The following CHD9 variants were observed in gnomAD, a reference collection of about 807,000 sequenced individuals.
The protein encoded by CHD9 is chromodomain helicase DNA binding protein 9, also known as ATP-dependent chromatin remodeler CHD9.
CHD9 carries 77 observed loss-of-function variants against 316.1 expected under a neutral mutation model. That is an observed-to-expected ratio of 0.24 (90% CI 0.20 to 0.29). The LOEUF is 0.29. Ranked by LOEUF, CHD9 falls within the 10% of genes least tolerant of loss-of-function variation. The pLI, the probability that CHD9 is intolerant of heterozygous loss-of-function variation, is 1.00. For synonymous variants in CHD9, 1,129 were observed against 1,158.3 expected, an observed-to-expected ratio of 0.97 and a Z score of 0.51; for missense variants, 2,763 against 3,438.1, an observed-to-expected ratio of 0.80 and a Z score of 4.91.
rs573135109 is a variant in CHD9, at chr16:53,081,347, T to G, written c.-165+26270T>G. Among the ~76,000 whole-genome samples the G allele has an allele frequency of 2.3e-3, 349 of 152,310 alleles. 3 individuals carry two copies. The highest frequency in any genetic ancestry group is 8.1e-3 in the African/African-American group (336 of 41,566). ...TGCATAACAACTATGCAGTTTTCTC[T>G]TTGATGGTATGTTTTGGGAGGTGGT... On this transcript the variant is annotated intron_variant, in intron 1 of 38. Coordinates refer to ENST00000447540, the MANE Select transcript of CHD9 (RefSeq NM_001308319.2).
intron 15 of CHD9, among the ~76,000 whole-genome samples, chr16:53,246,185 A>G (rs1265063941): frequency 1.3e-5 from 2 of 152,188 alleles, no homozygotes; most frequent in African/African-American, 4.8e-5. Context: ...GTCAAGATAC[A>G]TCAGTTAGTG....
chr16:53,099,790 G>T (rs2036687097), intron 1 of CHD9, among the ~76,000 whole-genome samples: 1 of 152,206 alleles, frequency 6.6e-6, no homozygotes, highest in South Asian at 2.1e-4. Flanking sequence ...GACTCTAAGA[G>T]TCCCGGGAGA....
intron 2 of CHD9, among the ~76,000 whole-genome samples, chr16:53,161,262 A>T (rs1248493818): frequency 6.6e-6 from 1 of 152,226 alleles, no homozygotes; most frequent in Non-Finnish European, 1.5e-5. Flanking sequence ...GTACTGAATT[A>T]TAGGTCACAC....
At chr16:53,108,638 A>G (rs62047973) in intron 1 of CHD9, among the ~76,000 whole-genome samples, 42,639 of 151,804 alleles carry the variant, frequency 0.28, 7,171 homozygotes, top group Non-Finnish European at 0.38. Context: ...TCTTTGGGAG[A>G]CCAAGGCGGG....
In CHD9 at chr16:53,199,793, G is replaced by T. The variant is rs75224187; in HGVS notation, c.1453-9689G>T. 1.4e-4 allele frequency among the ~76,000 whole-genome samples: 22 copies of T among 152,266 alleles called. No individual in the cohort carries two copies. The East Asian group carries it at 3.1e-3, about 21-fold the overall frequency. ...TTAAACTATTCTTACCATAAAACTG[G>T]AATATCTTACAGTACCAGAAAATAA... On this transcript the variant is annotated intron_variant, in intron 2 of 38. Coordinates refer to ENST00000447540, the MANE Select transcript of CHD9 (RefSeq NM_001308319.2).
chr16:53,131,830 C>T (rs905703452), intron 1 of CHD9, among the ~76,000 whole-genome samples: 2 of 152,180 alleles, frequency 1.3e-5, no homozygotes, highest in Non-Finnish European at 2.9e-5. Flanking sequence ...CTCTCGGTTC[C>T]GACCGCAGTG....
intron 17 of CHD9, 96 bp from the exon 18 acceptor site, chr16:53,254,342 T>C: frequency 4.8e-6 from 4 of 838,802 alleles, no homozygotes; most frequent in Non-Finnish European, 6.9e-6. Context: ...AAAAATGGTC[T>C]AAGAATTCTT....
At chr16:53,294,391 GT>G (rs377180719) in intron 29 of CHD9, among the ~76,000 whole-genome samples, 50 of 152,262 alleles carry the variant, frequency 3.3e-4, no homozygotes, top group African/African-American at 1.1e-3. Context: ...TAAATGAACT[GT>G]TTTTGTTATC....
At chr16:53,060,200 A>G (rs1011703420) in intron 1 of CHD9, among the ~76,000 whole-genome samples, 1 of 151,050 alleles carries the variant, frequency 6.6e-6, no homozygotes, top group Non-Finnish European at 1.5e-5. Flanking sequence ...AAACAAATAA[A>G]TAATGTAAAA....
intron 24 of CHD9, among the ~76,000 whole-genome samples, chr16:53,284,819 G>T (rs1015558773): frequency 6.6e-6 from 1 of 152,152 alleles, no homozygotes; most frequent in African/African-American, 2.4e-5. Flanking sequence ...GGGTTGGAGT[G>T]CAGCAACACG....
chr16:53,074,533 T>A (rs182513240), intron 1 of CHD9, among the ~76,000 whole-genome samples: 122 of 152,280 alleles, frequency 8.0e-4, no homozygotes, highest in African/African-American at 2.7e-3. Context: ...AAAATGGTTT[T>A]GTGGATAGGC....
chr16:53,312,246 C>T (rs962182656), intron 34 of CHD9, among the ~76,000 whole-genome samples: 3 of 152,130 alleles, frequency 2.0e-5, no homozygotes, highest in African/African-American at 7.2e-5. Context: ...AAATGTAGGA[C>T]ACTATCTCTT....
In CHD9 at chr16:53,227,562, G is replaced by A; in HGVS notation, c.2127G>A (p.Val709=). ...TCTTTTCTTAGATATCACCTGGAGT[G>A]ATGATTGATACAGAAGAATTTTTTG... ...RTVKKEISPG[V]MIDTEEFFVK... Residue 709 remains valine (V), a synonymous_variant, in exon 7 of 39, where the codon GTG becomes GTA. Transcript: ENST00000447540. The A allele has an allele frequency of 7.0e-7, 1 of 1,429,290 alleles. No homozygotes were observed. Among genetic ancestry groups the A allele is most frequent in the Non-Finnish European group, 9.4e-7 (1 of 1,064,274 alleles). The allele number at this position is 1,429,290 out of a possible 1,614,324, so 88.5% of individuals were successfully genotyped here.
At chr16:53,268,263 A>C in intron 22 of CHD9, 137 bp downstream of exon 22, 1 of 647,794 alleles carries the variant, frequency 1.5e-6, no homozygotes, top group Non-Finnish European at 2.5e-6. Flanking sequence ...TTCAAGTTCC[A>C]GCTTCAGAAA....
intron 1 of CHD9, among the ~76,000 whole-genome samples, chr16:53,091,807 C>T (rs945958332): frequency 3.3e-5 from 5 of 152,250 alleles, no homozygotes; most frequent in Non-Finnish European, 4.4e-5. Flanking sequence ...CATTTTCCCT[C>T]TCTCCTTCCT....
intron 30 of CHD9, among the ~76,000 whole-genome samples, chr16:53,301,423 T>C (rs1281433314): frequency 1.3e-5 from 2 of 152,208 alleles, no homozygotes; most frequent in African/African-American, 4.8e-5. Context: ...TTCTGTCTAA[T>C]GAATAATTAG....
chr16:53,083,426 C>T (rs1249335656), intron 1 of CHD9, among the ~76,000 whole-genome samples: 1 of 152,158 alleles, frequency 6.6e-6, no homozygotes, highest in Non-Finnish European at 1.5e-5. Context: ...AAAGATAATG[C>T]CAGAGAAAGA....
Position 53,301,754 on chromosome 16 carries a change from C to T in CHD9, c.5714-1966C>T, listed in dbSNP as rs943481536. Among the ~76,000 whole-genome samples, 7 of 145,656 alleles carry T rather than the reference C, an allele frequency of 4.8e-5. No homozygotes were observed. In the East Asian group the frequency reaches 1.4e-3, roughly 29 times the overall value. On this transcript the variant is annotated intron_variant, in intron 30 of 38. Coordinates refer to ENST00000447540, the MANE Select transcript of CHD9 (RefSeq NM_001308319.2). ...CATCTATCTCTCACCCTTCCTCTCTCTTTCTTTTTTTTCTTTTTTTTTTTT... is the reference window on the plus strand; with the variant it reads ...CATCTATCTCTCACCCTTCCTCTCTTTTTCTTTTTTTTCTTTTTTTTTTTT...
intron 17 of CHD9, among the ~76,000 whole-genome samples, chr16:53,253,679 A>G (rs886460238): frequency 3.9e-5 from 6 of 152,160 alleles, no homozygotes; most frequent in Admixed American, 1.3e-4. Context: ...AGACTTTAAA[A>G]CTTGAGTGGT....
Sources: gnomAD v4.1 joint callset for allele counts (sites outside exome capture counted in the v4.1 genomes callset) on GRCh38, gnomAD v4.1.1 for gene constraint, MANE v1.5 for transcripts, NCBI Gene and HGNC (gene_info 2026-07-23, HGNC 2026-07-21) for gene names.